Variants in CADM2 observed in about 807,000 individuals in gnomAD.
CADM2 encodes the protein cell adhesion molecule 2.
Under a neutral mutation model 49.8 loss-of-function variants are expected in CADM2, and 12 were observed. The ratio of observed to expected loss-of-function variants is 0.24; its 90% CI spans 0.15 to 0.39. The LOEUF (loss-of-function observed/expected upper bound fraction) is 0.39. Ranked by LOEUF, CADM2 falls within the 10% of genes least tolerant of loss-of-function variation. The pLI, the probability that CADM2 is intolerant of heterozygous loss-of-function variation, is 1.00. For synonymous variants in CADM2, 214 were observed against 175.4 expected (o/e 1.22, Z -1.74); for missense variants, 378 against 492.3 (o/e 0.77, Z 2.20).
chr3:85,468,151 C>CAA (rs2038594759), intron 1 of CADM2, among the ~76,000 whole-genome samples: 1 of 57,422 alleles, frequency 1.7e-5, no homozygotes, highest in Non-Finnish European at 2.7e-5. Context: ...GAGACTCCGT[C>CAA]TCAAAAAAAA....
intron 1 of CADM2, among the ~76,000 whole-genome samples, chr3:85,172,908 A>G (rs934232665): frequency 3.4e-5 from 5 of 145,184 alleles, no homozygotes; most frequent in Non-Finnish European, 7.5e-5. Flanking sequence ...TATATTATAT[A>G]TAATATATGT....
At chr3:85,227,480 T>C (rs2042188987) in intron 1 of CADM2, among the ~76,000 whole-genome samples, 1 of 150,568 alleles carries the variant, frequency 6.6e-6, no homozygotes, top group Admixed American at 6.6e-5. Flanking sequence ...TTGATCTTCA[T>C]TTGCTTGGTA....
At chr3:85,070,905 C>A (rs553247131) in intron 1 of CADM2, among the ~76,000 whole-genome samples, 1 of 151,804 alleles carries the variant, frequency 6.6e-6, no homozygotes, top group East Asian at 1.9e-4. Flanking sequence ...AGGAGAATGG[C>A]GTGAACCCAG....
At chr3:85,290,632 T>C (rs2043763563) in intron 1 of CADM2, among the ~76,000 whole-genome samples, 3 of 152,318 alleles carry the variant, frequency 2.0e-5, no homozygotes, top group South Asian at 4.1e-4. Context: ...TCCCTGACCC[T>C]TGACCCCTGA....
intron 6 of CADM2, among the ~76,000 whole-genome samples, chr3:85,926,313 C>T (rs1356208284): frequency 6.6e-6 from 1 of 151,886 alleles, no homozygotes; most frequent in African/African-American, 2.4e-5. Context: ...TAGCAGCACT[C>T]CTGGCCTCTG....
intron 1 of CADM2, among the ~76,000 whole-genome samples, chr3:85,312,381 A>G (rs1002982712): frequency 6.6e-6 from 1 of 152,140 alleles, no homozygotes; most frequent in African/African-American, 2.4e-5. Context: ...TTGCATCAAT[A>G]TGTGGTCCTA....
At chr3:85,569,618 C>T (rs2062416027) in intron 1 of CADM2, among the ~76,000 whole-genome samples, 2 of 149,152 alleles carry the variant, frequency 1.3e-5, no homozygotes, top group Admixed American at 6.8e-5. Flanking sequence ...TTTAGCATTC[C>T]GATAGGTGTG....
intron 1 of CADM2, among the ~76,000 whole-genome samples, chr3:85,086,337 A>G (rs976587380): frequency 6.6e-6 from 1 of 151,908 alleles, no homozygotes; most frequent in African/African-American, 2.4e-5. Flanking sequence ...GCCAACAAAT[A>G]TGCTCATAGA....
intron 1 of CADM2, among the ~76,000 whole-genome samples, chr3:85,566,261 T>C (rs905317707): frequency 1.3e-4 from 20 of 152,116 alleles, no homozygotes; most frequent in African/African-American, 4.3e-4. Flanking sequence ...AAGAATACAT[T>C]CCTTTCTAGA....
At chr3:85,120,504 A>G (rs1454917082) in intron 1 of CADM2, among the ~76,000 whole-genome samples, 3 of 152,340 alleles carry the variant, frequency 2.0e-5, no homozygotes, top group East Asian at 1.9e-4. Flanking sequence ...CCATAAAAAA[A>G]GAATGAGTTC....
chr3:85,027,755 A>G (rs888921503), intron 1 of CADM2, among the ~76,000 whole-genome samples: 5 of 152,184 alleles, frequency 3.3e-5, no homozygotes, highest in Admixed American at 2.0e-4. Context: ...CTAGTGGAAC[A>G]TTTGAGATAG....
intron 2 of CADM2, among the ~76,000 whole-genome samples, chr3:85,759,134 G>T (rs997153644): frequency 3.3e-5 from 5 of 151,960 alleles, no homozygotes; most frequent in African/African-American, 1.2e-4. Context: ...TAAATGTATG[G>T]ATATATGATT....
intron 1 of CADM2, among the ~76,000 whole-genome samples, chr3:85,323,141 A>C (rs1286361413): frequency 1.3e-5 from 2 of 152,080 alleles, no homozygotes; most frequent in African/African-American, 4.8e-5. Context: ...ATTATTTATA[A>C]TTGTTGTGTT....
At chr3:85,089,251 TA>T (rs886661502) in intron 1 of CADM2, among the ~76,000 whole-genome samples, 54 of 152,002 alleles carry the variant, frequency 3.6e-4, no homozygotes, top group Middle Eastern at 6.8e-3. Flanking sequence ...CATTTTTATT[TA>T]AAAAAAATAA....
chr3:85,769,597 C>CATATAT (rs2069949505), intron 2 of CADM2, among the ~76,000 whole-genome samples: 1 of 93,858 alleles, frequency 1.1e-5, no homozygotes, highest in African/African-American at 4.1e-5. Flanking sequence ...ATAGTATATA[C>CATATAT]ACATATATAC....
chr3:85,549,937 T>A (rs1379921230), intron 1 of CADM2, among the ~76,000 whole-genome samples: 1 of 152,072 alleles, frequency 6.6e-6, no homozygotes, highest in African/African-American at 2.4e-5. Context: ...AAGGTCTTTT[T>A]TTAATTAAAA....
chr3:85,495,647 GTA>G (rs2039856448), intron 1 of CADM2, among the ~76,000 whole-genome samples: 4 of 152,028 alleles, frequency 2.6e-5, no homozygotes, highest in Non-Finnish European at 4.4e-5. Flanking sequence ...TCTGCAGGTT[GTA>G]CGAGAAGCTT....
chr3:85,407,503 T>C (rs916806761), intron 1 of CADM2, among the ~76,000 whole-genome samples: 4 of 152,176 alleles, frequency 2.6e-5, no homozygotes, highest in African/African-American at 9.7e-5. Context: ...ATTAAACCCT[T>C]CTTCAGCTTT....
chr3:85,286,429 G>T (rs2043634951), intron 1 of CADM2, among the ~76,000 whole-genome samples: 1 of 152,132 alleles, frequency 6.6e-6, no homozygotes, highest in African/African-American at 2.4e-5. Flanking sequence ...ATACAGGATT[G>T]CCAGGACTAC....
Sources: allele counts gnomAD v4.1 joint callset (sites outside exome capture counted in the v4.1 genomes callset), GRCh38; gene constraint gnomAD v4.1.1; transcripts MANE v1.5; gene names NCBI Gene and HGNC (gene_info 2026-07-23, HGNC 2026-07-21).